The following SPIDR variants were observed in gnomAD, a reference collection of about 807,000 sequenced individuals.
SPIDR encodes DNA repair-scaffolding protein.
A neutral mutation model predicts 104.6 loss-of-function variants in SPIDR; 93 were observed. The ratio of observed to expected loss-of-function variants is 0.89; its 90% CI spans 0.75 to 1.06. SPIDR has a LOEUF of 1.06. SPIDR is among the 50% of genes least tolerant of loss of function. The probability of loss-of-function intolerance (pLI) is 0.00; values close to 1 mark genes in which losing one functional copy is unlikely to be tolerated. For synonymous variants in SPIDR, 431 were observed against 416.9 expected (o/e 1.03, Z -0.41); for missense variants, 1,154 against 1,111.2 (o/e 1.04, Z -0.55).
intron 1 of SPIDR, among the ~76,000 whole-genome samples, chr8:47,275,051 A>G (rs2036115654): frequency 6.6e-6 from 1 of 151,406 alleles, no homozygotes; most frequent in African/African-American, 2.4e-5. Flanking sequence ...CGAGGTCAGG[A>G]GATCGAGACC....
intron 8 of SPIDR, among the ~76,000 whole-genome samples, chr8:47,473,680 G>A (rs1327119717): frequency 1.3e-5 from 2 of 152,148 alleles, no homozygotes; most frequent in African/African-American, 4.8e-5. Flanking sequence ...TACACTATGA[G>A]CTTCTGGAGT....
chr8:47,462,800 G>A (rs886877416), intron 8 of SPIDR, among the ~76,000 whole-genome samples: 2 of 152,128 alleles, frequency 1.3e-5, no homozygotes, highest in Non-Finnish European at 2.9e-5. Flanking sequence ...CTTTGCAGAA[G>A]TCAGCAAAAT....
At chr8:47,731,487 C>G (rs2085224063) in intron 19 of SPIDR, among the ~76,000 whole-genome samples, 1 of 152,220 alleles carries the variant, frequency 6.6e-6, no homozygotes, top group Admixed American at 6.5e-5. Flanking sequence ...TTTCCCTGTT[C>G]AACCTCCCAA....
Position 47,393,963 on chromosome 8 carries a change from G to T in SPIDR, c.526-2413G>T, listed in dbSNP as rs556954520. Among the ~76,000 whole-genome samples the T allele has an allele frequency of 4.0e-5, 6 of 151,738 alleles. No homozygotes were observed. The East Asian group carries it at 1.2e-3, about 30-fold the overall frequency. The stretch of plus-strand genomic sequence containing the variant: ...TCTGTCACCCAGGCTGGAGTGCAGT[G>T]GTGTGATCTTAGCTCACTGCAACCT... On this transcript the variant is annotated intron_variant, in intron 5 of 19. Transcript: ENST00000297423.
intron 5 of SPIDR, among the ~76,000 whole-genome samples, chr8:47,324,798 A>C (rs1463522700): frequency 6.6e-6 from 1 of 152,206 alleles, no homozygotes; most frequent in Non-Finnish European, 1.5e-5. Context: ...TAGTGCTGCG[A>C]TGATAAAGTA....
At chr8:47,357,773 T>C in intron 5 of SPIDR, 1 of 759,112 alleles carries the variant, frequency 1.3e-6, no homozygotes, top group Non-Finnish European at 1.6e-6. Context: ...AAGTTGGAGT[T>C]CTGAAAAAAA....
At chr8:47,533,899 C>T (rs889317401) in intron 8 of SPIDR, among the ~76,000 whole-genome samples, 7 of 152,226 alleles carry the variant, frequency 4.6e-5, no homozygotes, top group African/African-American at 1.4e-4. Flanking sequence ...CCATTCAACC[C>T]AGTGATCCCA....
intron 1 of SPIDR, among the ~76,000 whole-genome samples, chr8:47,271,789 AATT>A (rs1405989683): frequency 6.6e-6 from 1 of 151,524 alleles, no homozygotes; most frequent in African/African-American, 2.4e-5. Flanking sequence ...TGTGTGTTAT[AATT>A]ATTATTATTT....
chr8:47,551,130 G>A (rs368522950), intron 8 of SPIDR, among the ~76,000 whole-genome samples: 31 of 152,246 alleles, frequency 2.0e-4, no homozygotes, highest in East Asian at 1.7e-3. Flanking sequence ...CAACTTGCTC[G>A]TGGTGGATAA....
At chr8:47,654,369 G>C (rs2154458729) in intron 10 of SPIDR, among the ~76,000 whole-genome samples, 1 of 152,244 alleles carries the variant, frequency 6.6e-6, no homozygotes, top group South Asian at 2.1e-4. Flanking sequence ...AAATAGACAG[G>C]TTACAGCAAC....
chr8:47,705,729 C>T (rs1314611101), intron 14 of SPIDR, among the ~76,000 whole-genome samples: 2 of 152,150 alleles, frequency 1.3e-5, no homozygotes, highest in African/African-American at 2.4e-5. Context: ...CAAAGCACGA[C>T]CCCGTCTCTA....
intron 6 of SPIDR, among the ~76,000 whole-genome samples, chr8:47,405,989 T>C (rs935446990): frequency 1.3e-5 from 2 of 152,120 alleles, no homozygotes. Flanking sequence ...CGCCTGTGCA[T>C]GTTTACTGTT....
intron 11 of SPIDR, among the ~76,000 whole-genome samples, chr8:47,693,888 G>A (rs2079003682): frequency 6.6e-6 from 1 of 152,354 alleles, no homozygotes; most frequent in Non-Finnish European, 1.5e-5. Flanking sequence ...CATTCATGCA[G>A]TGGGAGCCAC....
At chr8:47,380,618 G>A (rs1461797094) in intron 5 of SPIDR, among the ~76,000 whole-genome samples, 2 of 152,062 alleles carry the variant, frequency 1.3e-5, no homozygotes, top group African/African-American at 2.4e-5. Flanking sequence ...CTGACGATAG[G>A]TGGAGGGGGC....
At chr8:47,706,000 T>C (rs1243839896) in intron 14 of SPIDR, among the ~76,000 whole-genome samples, 1 of 152,136 alleles carries the variant, frequency 6.6e-6, no homozygotes, top group Non-Finnish European at 1.5e-5. Flanking sequence ...TATTTTGTAA[T>C]AATTATAGTT....
At chr8:47,676,194 G>A (rs1403948155) in intron 11 of SPIDR, among the ~76,000 whole-genome samples, 2 of 152,232 alleles carry the variant, frequency 1.3e-5, no homozygotes, top group Non-Finnish European at 2.9e-5. Context: ...CTAACCGTCT[G>A]TAACATTTAC....
chr8:47,367,962 A>G (rs1367766829), intron 5 of SPIDR, among the ~76,000 whole-genome samples: 1 of 152,204 alleles, frequency 6.6e-6, no homozygotes, highest in Non-Finnish European at 1.5e-5. Flanking sequence ...GGGCTGCTGT[A>G]CCAAAGTACC....
intron 8 of SPIDR, among the ~76,000 whole-genome samples, chr8:47,486,384 A>G (rs1554731170): frequency 6.6e-6 from 1 of 152,220 alleles, no homozygotes; most frequent in African/African-American, 2.4e-5. Flanking sequence ...TGATTGGTGT[A>G]CCTGAAAGTG....
chr8:47,489,804 G>T (rs1405488663), intron 8 of SPIDR, among the ~76,000 whole-genome samples: 2 of 152,182 alleles, frequency 1.3e-5, no homozygotes, highest in African/African-American at 4.8e-5. Flanking sequence ...GCCATATGTA[G>T]AAAGCTGAAA....
Sources: allele counts gnomAD v4.1 joint callset (sites outside exome capture counted in the v4.1 genomes callset), GRCh38; gene constraint gnomAD v4.1.1; transcripts MANE v1.5; gene names NCBI Gene and HGNC (gene_info 2026-07-23, HGNC 2026-07-21).